MRPL16: variants seen among roughly 807,000 people sequenced by gnomAD.
The protein encoded by MRPL16 is large ribosomal subunit protein uL16m.
MRPL16 carries 17 observed loss-of-function variants against 22.7 expected under a neutral mutation model. The ratio of observed to expected loss-of-function variants is 0.75; its 90% confidence interval spans 0.51 to 1.12. The LOEUF is 1.12. Ranked by LOEUF, MRPL16 falls within the 50% of genes most tolerant of loss-of-function variation. The pLI is 0.00. For missense variants in MRPL16, 316 were observed against 328.7 expected (o/e 0.96, Z 0.30); for synonymous variants, 103 against 112.8 (o/e 0.91, Z 0.55).
intron 3 of MRPL16, 175 bp downstream of exon 3, chr11:59,807,526 A>G (rs1461191195): frequency 5.5e-6 from 3 of 543,510 alleles, no homozygotes; most frequent in Admixed American, 3.3e-5. Flanking sequence ...AAAAAGATAT[A>G]TAACCCAAAT....
chr11:59,806,846 G>T lies in MRPL16; in HGVS notation c.271-14C>A, dbSNP rs745422706. 3.1e-6 allele frequency: 5 copies of T among 1,598,094 alleles called. No homozygotes were observed. The highest frequency in any genetic ancestry group is 4.3e-6 in the Non-Finnish European group (5 of 1,167,590). Reference sequence around the variant, plus strand: ...ACCACCCAATGCCTAAAAGTGAATGGGAGAATTAGAAACACATGCGGACTT... The same window carrying T: ...ACCACCCAATGCCTAAAAGTGAATGTGAGAATTAGAAACACATGCGGACTT... On this transcript the variant is annotated splice_polypyrimidine_tract_variant and intron_variant, in intron 3 of 3. Coordinates refer to ENST00000300151, the MANE Select transcript of MRPL16 (RefSeq NM_017840.4).
chr11:59,810,362 T>C lies in MRPL16; in HGVS notation c.55+242A>G, dbSNP rs1222372345. ...GGTGTGGGATGCGGATTCCACTAAA[T>C]GGACTCAAAGGCTCAGGCTCCGCAA... is the stretch of plus-strand genomic sequence containing the variant. On this transcript the variant is annotated intron_variant, in intron 1 of 3. Coordinates refer to ENST00000300151, the MANE Select transcript of MRPL16 (RefSeq NM_017840.4). 13 of 1,377,840 alleles carry C rather than the reference T, an allele frequency of 9.4e-6. No individual in the cohort carries two copies. The East Asian group carries it at 3.1e-4, about 33-fold the overall frequency. The allele number at this position is 1,377,840 out of a possible 1,614,324, so 85.4% of individuals were successfully genotyped here.
At position 59,806,812 on chromosome 11, in the gene MRPL16, C is replaced by G. The variant is rs1372957884; in HGVS notation, c.291G>C (p.Leu97=). 8.7e-6 allele frequency: 14 copies of G among 1,608,680 alleles called. No homozygotes were observed. The highest frequency in any genetic ancestry group is 2.7e-5 in the African/African-American group (2 of 74,850). ...GCATCATTTCAAAGTGGCCCCAATG[C>G]AGGTAGCCACCACCCAATGCCTAAA... ...FAILALGGGY[L]HWGHFEMMRL... The change falls in exon 4 of 4, where the codon CTG becomes CTC. Residue 97 remains leucine, a synonymous_variant. Coordinates refer to ENST00000300151, the MANE Select transcript of MRPL16 (RefSeq NM_017840.4).
intron 3 of MRPL16, chr11:59,807,421 C>T (rs1437664223): frequency 7.8e-6 from 2 of 257,200 alleles, no homozygotes; most frequent in African/African-American, 4.4e-5. Flanking sequence ...TTTATTTTTA[C>T]CAGGGCTTGA....
At chr11:59,808,684 A>C (rs1431446664) in intron 2 of MRPL16, 1 of 152,188 alleles carries the variant, frequency 6.6e-6, no homozygotes, top group Non-Finnish European at 1.5e-5. Flanking sequence ...ATTGTACATA[A>C]AAATATCTAA....
In MRPL16 at chr11:59,807,857, A is replaced by C. The variant is rs552372336; in HGVS notation, c.122-8T>G. Reference sequence around the variant, plus strand: ...TTTCAGGAATGGAAACATCTAAAAGAAGCACAGACAACCAGGATAAAGTAA... The same window carrying C: ...TTTCAGGAATGGAAACATCTAAAAGCAGCACAGACAACCAGGATAAAGTAA... On this transcript the variant is annotated splice_region_variant and splice_polypyrimidine_tract_variant and intron_variant, in intron 2 of 3. Transcript: ENST00000300151. 4.8e-5 allele frequency: 77 copies of C among 1,599,718 alleles called. 2 individuals carry two copies. The South Asian group carries it at 6.9e-4, about 14-fold the overall frequency.
chr11:59,807,661 A>G, intron 3 of MRPL16, 40 bp downstream of exon 3: 1 of 1,580,932 alleles, frequency 6.3e-7, no homozygotes, highest in Non-Finnish European at 8.6e-7. Flanking sequence ...GTTATTCCCT[A>G]GCTTCCATCC....
Position 59,806,653 on chromosome 11 carries a change from G to T in MRPL16, c.450C>A (p.Tyr150Ter), listed in dbSNP as rs146680546. 6.2e-7 allele frequency: 1 copy of T among 1,614,110 alleles called. No homozygotes were observed. Among genetic ancestry groups the T allele is most frequent in the African/African-American group, 1.3e-5 (1 of 74,936 alleles). Residue 150 changes from tyrosine (Y) to a stop codon, truncating the protein, a stop_gained, in exon 4 of 4, where the codon TAC becomes TAA. Coordinates refer to ENST00000300151, the MANE Select transcript of MRPL16 (RefSeq NM_017840.4). LOFTEE classifies it high-confidence loss of function. ...GGCGGCCAGCCTTCACAGGTGTCAC[G>T]TAGTGGTCAATAGCACCTTTGCCTC... ...MGGGKGAIDH[Y>*]VTPVKAGRLV...
chr11:59,807,924 T>C, intron 2 of MRPL16, 75 bp from the exon 3 acceptor site: 4 of 1,413,858 alleles, frequency 2.8e-6, no homozygotes, highest in Non-Finnish European at 3.8e-6. Flanking sequence ...GAAAGATTTA[T>C]AACAGGTGAA....
rs745836705 is a variant in MRPL16 at position 59,810,665 on chromosome 11, GGGCGTCCGGC to G, written c.-17_-8del. On this transcript the variant is annotated 5_prime_UTR_variant, in exon 1 of 4. Coordinates refer to ENST00000300151, the MANE Select transcript of MRPL16 (RefSeq NM_017840.4). Reference sequence around the variant, plus strand: ...GAGCCAGCAGCCTCCACATGGTCACGGGCGTCCGGCGGCGCGGAGCTCCCCCAGCGACTCC... The same window carrying G: ...GAGCCAGCAGCCTCCACATGGTCACGGGCGCGGAGCTCCCCCAGCGACTCC... The G allele has an allele frequency of 5.6e-6, 9 of 1,613,850 alleles. No homozygotes were observed. The South Asian group carries it at 9.9e-5, about 18-fold the overall frequency.
chr11:59,810,675 CG>C lies in MRPL16; in HGVS notation c.-18del. 1 of 1,613,586 alleles carries C rather than the reference CG, an allele frequency of 6.2e-7. No homozygotes were observed. Among genetic ancestry groups the C allele is most frequent in the Non-Finnish European group, 8.5e-7 (1 of 1,179,746 alleles). On this transcript the variant is annotated 5_prime_UTR_variant, in exon 1 of 4. Coordinates refer to ENST00000300151, the MANE Select transcript of MRPL16 (RefSeq NM_017840.4). ...CCTCCACATGGTCACGGGCGTCCGG[CG>C]GCGCGGAGCTCCCCCAGCGACTCCG...
At chr11:59,807,974 G>GGGT in intron 2 of MRPL16, 125 bp from the exon 3 acceptor site, 1 of 1,154,678 alleles carries the variant, frequency 8.7e-7, no homozygotes. Context: ...GGTAGAGACA[G>GGGT]GGTCTCACTA....
chr11:59,810,743 T>A lies in MRPL16; in HGVS notation c.-85A>T. ...AGGTAAGCAGCGGCGCTCCACTACC[T>A]AGCTGTAATCGGCTCAGGACACCGC... On this transcript the variant is annotated 5_prime_UTR_variant, in exon 1 of 4. Transcript: ENST00000300151. 6.6e-7 allele frequency: 1 copy of A among 1,515,444 alleles called. No individual in the cohort carries two copies. The highest frequency in any genetic ancestry group is 2.3e-5 in the East Asian group (1 of 44,256). 93.9% of individuals were successfully genotyped at this position (1,515,444 alleles called of 1,614,324 possible). A position where few individuals can be genotyped will look rare whatever the true frequency, so the allele number is the denominator to read the frequency against.
intron 1 of MRPL16, 31 bp from the exon 2 acceptor site, chr11:59,809,951 G>C (rs781086943): frequency 3.8e-6 from 6 of 1,588,478 alleles, no homozygotes; most frequent in Non-Finnish European, 5.2e-6. Context: ...AAACGACGAA[G>C]GTAACAGGCC....
rs1416210407 is a variant in MRPL16, at chr11:59,807,932, GA to G, written c.122-84del. 7 of 1,387,010 alleles carry G rather than the reference GA, an allele frequency of 5.0e-6. No individual in the cohort carries two copies. The East Asian group carries it at 1.7e-4, about 34-fold the overall frequency. 85.9% of individuals were successfully genotyped at this position (1,387,010 alleles called of 1,614,324 possible). A position where few individuals can be genotyped will look rare whatever the true frequency, so the allele number is the denominator to read the frequency against. ...TTTCCTAGAAAGATTTATAACAGGT[GA>G]AAGTCTTAATTTCTTTCTTCTTCAT... is the stretch of plus-strand genomic sequence containing the variant. On this transcript the variant is annotated intron_variant, in intron 2 of 3. Transcript: ENST00000300151.
chr11:59,807,866 C>A lies in MRPL16; in HGVS notation c.122-17G>T. On this transcript the variant is annotated splice_polypyrimidine_tract_variant and intron_variant, in intron 2 of 3. Coordinates refer to ENST00000300151, the MANE Select transcript of MRPL16 (RefSeq NM_017840.4). Reference sequence around the variant, plus strand: ...TGGAAACATCTAAAAGAAGCACAGACAACCAGGATAAAGTAAAACTATACA... The same window carrying A: ...TGGAAACATCTAAAAGAAGCACAGAAAACCAGGATAAAGTAAAACTATACA... The A allele has an allele frequency of 6.3e-7, 1 of 1,593,834 alleles. No homozygotes were observed. The highest frequency in any genetic ancestry group is 8.5e-7 in the Non-Finnish European group (1 of 1,171,294).
Position 59,810,614 on chromosome 11 carries a change from C to T in MRPL16, c.45G>A (p.Val15=), listed in dbSNP as rs755172818. ...AAAGGGACTTCTGACCTGACAAGGG[C>T]ACCCGCAGGAGCGGCGCACTAGCGC... is the stretch of plus-strand genomic sequence containing the variant. ...LARASAPLLR[V]PLSDSWALLP... The change falls in exon 1 of 4, where the codon GTG becomes GTA. Residue 15 remains valine (V), a synonymous_variant. Transcript: ENST00000300151. The T allele has an allele frequency of 9.3e-6, 15 of 1,614,026 alleles. No homozygotes were observed. The highest frequency in any genetic ancestry group is 1.6e-4 in the Middle Eastern group (1 of 6,082).
At chr11:59,808,923 A>G (rs987177327) in intron 2 of MRPL16, 3 of 152,322 alleles carry the variant, frequency 2.0e-5, no homozygotes, top group African/African-American at 7.2e-5. Flanking sequence ...ATTTTTAAAA[A>G]TTTCTTAAAT....
chr11:59,810,247 G>GA (rs1440552098), intron 1 of MRPL16: 1 of 1,161,848 alleles, frequency 8.6e-7, no homozygotes, highest in Non-Finnish European at 1.1e-6. Flanking sequence ...GACCTCAAGT[G>GA]ATTCGCCCGC....
Sources: allele counts gnomAD v4.1 joint callset, GRCh38; gene constraint gnomAD v4.1.1; transcripts MANE v1.5; gene names NCBI Gene and HGNC (gene_info 2026-07-23, HGNC 2026-07-21).